Variants in KCNQ5 observed in about 807,000 individuals in gnomAD.
The protein encoded by KCNQ5 is potassium voltage-gated channel subfamily KQT member 5.
KCNQ5 carries 30 observed loss-of-function variants against 98.2 expected under a neutral mutation model. The ratio of observed to expected loss-of-function variants is 0.31; its 90% CI spans 0.23 to 0.41. The LOEUF is 0.41. Among genes scored for constraint, KCNQ5 ranks in the 10% least tolerant of loss-of-function variants. The pLI, the probability that KCNQ5 is intolerant of heterozygous loss-of-function variation, is 1.00. For synonymous variants in KCNQ5, 458 were observed against 449.4 expected, an observed-to-expected ratio of 1.02 and a Z score of -0.24; for missense variants, 835 against 1,182.5, an observed-to-expected ratio of 0.71 and a Z score of 4.31.
chr6:72,979,223 C>CTAG (rs1301584914), intron 1 of KCNQ5, among the ~76,000 whole-genome samples: 22 of 152,218 alleles, frequency 1.4e-4, no homozygotes, highest in African/African-American at 4.8e-4. Flanking sequence ...AATGGTATTT[C>CTAG]TAGTTCTAGA....
Position 73,118,898 on chromosome 6 carries a change from G to A in KCNQ5, c.1126-1585G>A, listed in dbSNP as rs532610511. On this transcript the variant is annotated intron_variant, in intron 7 of 13. Transcript: ENST00000370398. Reference sequence around the variant, plus strand: ...TAGCTGGATGTGGTGGTGCGTGCCTGTAGTCCCAGCTACTCAGGAGGCTGA... The same window carrying A: ...TAGCTGGATGTGGTGGTGCGTGCCTATAGTCCCAGCTACTCAGGAGGCTGA... Among the ~76,000 whole-genome samples, 325 of 152,282 alleles carry A rather than the reference G, an allele frequency of 2.1e-3. 1 individual carries two copies. The highest frequency in any genetic ancestry group is 7.1e-3 in the African/African-American group (294 of 41,558).
At chr6:72,908,414 T>C (rs1779789325) in intron 1 of KCNQ5, among the ~76,000 whole-genome samples, 2 of 152,160 alleles carry the variant, frequency 1.3e-5, no homozygotes, top group African/African-American at 4.8e-5. Context: ...TCTTCTTCAC[T>C]ATAGTAACTC....
chr6:73,013,915 A>G (rs1267698455), intron 2 of KCNQ5, among the ~76,000 whole-genome samples: 1 of 152,138 alleles, frequency 6.6e-6, no homozygotes, highest in East Asian at 1.9e-4. Context: ...GGGTATATCA[A>G]TTCAGACCAC....
At chr6:72,866,996 T>G (rs986342690) in intron 1 of KCNQ5, among the ~76,000 whole-genome samples, 2 of 152,198 alleles carry the variant, frequency 1.3e-5, no homozygotes, top group African/African-American at 4.8e-5. Context: ...TTTAATTGAT[T>G]AAGCTCTGTC....
chr6:73,160,099 C>T (rs923494111), intron 10 of KCNQ5, among the ~76,000 whole-genome samples: 14 of 152,000 alleles, frequency 9.2e-5, no homozygotes, highest in African/African-American at 3.1e-4. Flanking sequence ...CTGCAAGCTC[C>T]GCCTCCCGGG....
intron 1 of KCNQ5, among the ~76,000 whole-genome samples, chr6:72,655,134 C>G (rs1766116504): frequency 6.8e-6 from 1 of 148,006 alleles, no homozygotes; most frequent in South Asian, 2.1e-4. Flanking sequence ...AAAAAACAAG[C>G]CTTGGATTCT....
intron 1 of KCNQ5, among the ~76,000 whole-genome samples, chr6:72,980,676 G>C (rs1241506709): frequency 6.6e-6 from 1 of 152,076 alleles, no homozygotes; most frequent in African/African-American, 2.4e-5. Context: ...GCTTTCTCTT[G>C]CCTGATTGCC....
chr6:72,886,875 TA>T (rs1288436113), intron 1 of KCNQ5, among the ~76,000 whole-genome samples: 1 of 152,240 alleles, frequency 6.6e-6, no homozygotes, highest in East Asian at 1.9e-4. Context: ...AAACTGGAAC[TA>T]AATAATTTAT....
chr6:73,156,586 T>C (rs974159046), intron 10 of KCNQ5, among the ~76,000 whole-genome samples: 14 of 152,102 alleles, frequency 9.2e-5, no homozygotes, highest in African/African-American at 3.4e-4. Flanking sequence ...GATCACACCA[T>C]TGCACTCCAG....
chr6:72,772,774 ATG>A (rs1772964121), intron 1 of KCNQ5, among the ~76,000 whole-genome samples: 1 of 152,156 alleles, frequency 6.6e-6, no homozygotes, highest in South Asian at 2.1e-4. Flanking sequence ...CTGAACTGCA[ATG>A]TTCAGAAAAA....
At position 72,890,708 on chromosome 6, in the gene KCNQ5, C is replaced by A. The variant is rs539229604; in HGVS notation, c.399-113200C>A. Among the ~76,000 whole-genome samples the A allele has an allele frequency of 2.0e-5, 3 of 152,102 alleles. No homozygotes were observed. The East Asian group carries it at 5.8e-4, about 29-fold the overall frequency. On this transcript the variant is annotated intron_variant, in intron 1 of 13. Transcript: ENST00000370398. ...ATTTCATAAATTATCAGATAAAAAC[C>A]TTTGTGTCTTAACTAAAAGTAAAGT...
intron 1 of KCNQ5, among the ~76,000 whole-genome samples, chr6:72,792,198 T>C (rs1221151220): frequency 2.0e-5 from 3 of 152,186 alleles, no homozygotes. Flanking sequence ...GTTTAAATAT[T>C]TGTTTGTCCT....
intron 1 of KCNQ5, among the ~76,000 whole-genome samples, chr6:72,769,489 A>T (rs977167496): frequency 1.3e-5 from 2 of 152,134 alleles, no homozygotes; most frequent in South Asian, 2.1e-4. Context: ...TCCACCCCAG[A>T]TCAATTAAAT....
chr6:72,664,021 C>T (rs546273519), intron 1 of KCNQ5, among the ~76,000 whole-genome samples: 1 of 152,296 alleles, frequency 6.6e-6, no homozygotes, highest in East Asian at 1.9e-4. Flanking sequence ...TTCCTTCCTC[C>T]CTCTTCAACC....
chr6:73,195,511 A>G lies in KCNQ5; in HGVS notation c.*97A>G. The G allele has an allele frequency of 6.9e-7, 1 of 1,441,054 alleles. No individual in the cohort carries two copies. Among genetic ancestry groups the G allele is most frequent in the Admixed American group, 2.1e-5 (1 of 47,060 alleles). 89.3% of individuals were successfully genotyped at this position (1,441,054 alleles called of 1,614,324 possible). On this transcript the variant is annotated 3_prime_UTR_variant, in exon 14 of 14. Transcript: ENST00000370398. ...CCTTCTAAAAAGTTGAAATTGCAAG[A>G]ATCGGGAAGAACATGAAAGGCAGTT...
chr6:73,156,383 C>T (rs112785953), intron 10 of KCNQ5, among the ~76,000 whole-genome samples: 6 of 152,326 alleles, frequency 3.9e-5, no homozygotes, highest in Non-Finnish European at 5.9e-5. Flanking sequence ...CCTGTAATCC[C>T]AGCACTGTGG....
intron 1 of KCNQ5, among the ~76,000 whole-genome samples, chr6:72,798,461 G>A (rs1032577059): frequency 2.0e-5 from 3 of 152,148 alleles, no homozygotes; most frequent in South Asian, 2.1e-4. Context: ...TTATTCAAAC[G>A]AGTTTGGTTC....
At chr6:72,972,080 T>G (rs1461355683) in intron 1 of KCNQ5, among the ~76,000 whole-genome samples, 1 of 152,204 alleles carries the variant, frequency 6.6e-6, no homozygotes, top group Non-Finnish European at 1.5e-5. Context: ...GGCTTCTTGA[T>G]GGGGTCAAAG....
chr6:73,198,144 A>G lies in KCNQ5; in HGVS notation c.*2730A>G, dbSNP rs1053991952. 6.6e-6 allele frequency: 1 copy of G among 152,176 alleles called. No homozygotes were observed. The highest frequency in any genetic ancestry group is 1.5e-5 in the Non-Finnish European group (1 of 68,034). 9.4% of individuals were successfully genotyped at this position (152,176 alleles called of 1,614,324 possible). A position where few individuals can be genotyped will look rare whatever the true frequency, so the allele number is the denominator to read the frequency against. ...AATTTTAATGATGTCTTGAAGCACA[A>G]TTTAGCTGAGCACTGAGTAGCCATA... On this transcript the variant is annotated 3_prime_UTR_variant, in exon 14 of 14. Coordinates refer to ENST00000370398, the MANE Select transcript of KCNQ5 (RefSeq NM_019842.4).
Sources: allele counts gnomAD v4.1 joint callset (sites outside exome capture counted in the v4.1 genomes callset), GRCh38; gene constraint gnomAD v4.1.1; transcripts MANE v1.5; gene names NCBI Gene and HGNC (gene_info 2026-07-23, HGNC 2026-07-21).